Variants in MSRA observed in about 807,000 individuals in gnomAD.
The protein encoded by MSRA is methionine sulfoxide reductase A, also known as mitochondrial peptide methionine sulfoxide reductase.
A neutral mutation model predicts 31.3 loss-of-function variants in MSRA; 54 were observed. The observed-to-expected ratio is 1.73, with a 90% CI of 1.39 to 2.17. The LOEUF (loss-of-function observed/expected upper bound fraction) is 2.17, where lower values mean the gene tolerates loss of function less well. Ranked by LOEUF, MSRA falls within the 30% of genes most tolerant of loss-of-function variation. The pLI, the probability that MSRA is intolerant of heterozygous loss-of-function variation, is 0.00. For missense variants in MSRA, 507 were observed against 300.9 expected, an observed-to-expected ratio of 1.69 and a Z score of -5.07; for synonymous variants, 169 against 116.5, an observed-to-expected ratio of 1.45 and a Z score of -2.90.
chr8:10,202,007 G>A (rs117225173), intron 1 of MSRA, among the ~76,000 whole-genome samples: 1 of 152,232 alleles, frequency 6.6e-6, no homozygotes, highest in Non-Finnish European at 1.5e-5. Flanking sequence ...CCCTGTTGGA[G>A]ACTCTTGTGT....
At chr8:10,091,859 G>T (rs1423709391) in intron 1 of MSRA, among the ~76,000 whole-genome samples, 4 of 152,054 alleles carry the variant, frequency 2.6e-5, no homozygotes, top group Non-Finnish European at 4.4e-5. Context: ...TGCTTGGCTT[G>T]GCCTCCCAGA....
chr8:10,402,524 G>C (rs768969185), intron 5 of MSRA, among the ~76,000 whole-genome samples: 1 of 152,324 alleles, frequency 6.6e-6, no homozygotes, highest in East Asian at 1.9e-4. Context: ...AGCATCCAGT[G>C]CCCCCATAGC....
intron 1 of MSRA, 138 bp downstream of exon 1, chr8:10,054,796 G>A: frequency 1.0e-6 from 1 of 962,348 alleles, no homozygotes; most frequent in Admixed American, 4.5e-5. Context: ...CTGCGCAGGC[G>A]CGAAGGGGCG....
At chr8:10,316,685 A>C (rs939048015) in intron 4 of MSRA, among the ~76,000 whole-genome samples, 1 of 152,052 alleles carries the variant, frequency 6.6e-6, no homozygotes, top group African/African-American at 2.4e-5. Context: ...TGTCAGTTAA[A>C]ATGGACAGGA....
rs141261252 is a variant in MSRA, at chr8:10,193,586, G to C, written c.143-14247G>C. On this transcript the variant is annotated intron_variant, in intron 1 of 5. Transcript: ENST00000317173. ...AGGCACCCAGCAGTGTGTTTAAAGAGCCACTACCATCTCCACTGACTTCCC... is the reference window on the plus strand; with the variant it reads ...AGGCACCCAGCAGTGTGTTTAAAGACCCACTACCATCTCCACTGACTTCCC... Among the ~76,000 whole-genome samples, 16 of 152,248 alleles carry C rather than the reference G, an allele frequency of 1.1e-4. No individual in the cohort carries two copies. The East Asian group carries it at 2.5e-3, about 24-fold the overall frequency.
chr8:10,161,845 G>A (rs1301307505), intron 1 of MSRA, among the ~76,000 whole-genome samples: 1 of 152,026 alleles, frequency 6.6e-6, no homozygotes, highest in Non-Finnish European at 1.5e-5. Context: ...GATAACCATG[G>A]GCCCTGGGCA....
intron 2 of MSRA, among the ~76,000 whole-genome samples, chr8:10,230,257 G>C (rs760350054): frequency 6.6e-6 from 1 of 152,200 alleles, no homozygotes; most frequent in Non-Finnish European, 1.5e-5. Context: ...GACATGCTTT[G>C]GGGTTTTAAG....
intron 2 of MSRA, among the ~76,000 whole-genome samples, chr8:10,243,056 A>C (rs1315845367): frequency 6.6e-6 from 1 of 152,180 alleles, no homozygotes; most frequent in Non-Finnish European, 1.5e-5. Context: ...TGGTTTGGCC[A>C]AGAACATTTT....
Position 10,428,312 on chromosome 8 carries a change from AT to A in MSRA, c.*3del. ...CCTGCCCAGTGGGTATTAAAAAATA[AT>A]TTCTCCCCACATGGTGGGCCTTTGA... is the stretch of plus-strand genomic sequence containing the variant. On this transcript the variant is annotated 3_prime_UTR_variant, in exon 6 of 6. Coordinates refer to ENST00000317173, the MANE Select transcript of MSRA (RefSeq NM_012331.5). 1 of 1,612,078 alleles carries A rather than the reference AT, an allele frequency of 6.2e-7. No homozygotes were observed. Among genetic ancestry groups the A allele is most frequent in the Non-Finnish European group, 8.5e-7 (1 of 1,179,636 alleles).
At chr8:10,153,947 G>A (rs1308475179) in intron 1 of MSRA, among the ~76,000 whole-genome samples, 2 of 152,068 alleles carry the variant, frequency 1.3e-5, no homozygotes, top group African/African-American at 4.8e-5. Flanking sequence ...AAACATAATG[G>A]TGTATTTGAC....
chr8:10,308,686 A>G (rs911745833), intron 4 of MSRA, among the ~76,000 whole-genome samples: 8 of 152,172 alleles, frequency 5.3e-5, no homozygotes, highest in African/African-American at 9.7e-5. Flanking sequence ...TGCCCCATCC[A>G]TGCTCACTGT....
chr8:10,357,873 C>G (rs1804600788), intron 5 of MSRA, among the ~76,000 whole-genome samples: 1 of 152,218 alleles, frequency 6.6e-6, no homozygotes, highest in African/African-American at 2.4e-5. Flanking sequence ...ATAGTTTTCA[C>G]TCAACTACTT....
chr8:10,318,477 G>A lies in MSRA; in HGVS notation c.437-1406G>A, dbSNP rs573064636. Reference sequence around the variant, plus strand: ...TGTGGAGGCTACAGTTGACACACACGAATTCTTTCTGCTGGAGAGAACATA... The same window carrying A: ...TGTGGAGGCTACAGTTGACACACACAAATTCTTTCTGCTGGAGAGAACATA... On this transcript the variant is annotated intron_variant, in intron 4 of 5. Coordinates refer to ENST00000317173, the MANE Select transcript of MSRA (RefSeq NM_012331.5). 7.2e-5 allele frequency among the ~76,000 whole-genome samples: 11 copies of A among 152,258 alleles called. No homozygotes were observed. In the East Asian group the frequency reaches 9.7e-4, roughly 13 times the overall value.
At position 10,404,264 on chromosome 8, in the gene MSRA, T is replaced by C. The variant is rs1807653384; in HGVS notation, c.544-23884T>C. Among the ~76,000 whole-genome samples the C allele has an allele frequency of 2.6e-5, 4 of 152,070 alleles. No homozygotes were observed. The South Asian group carries it at 6.2e-4, about 24-fold the overall frequency. On this transcript the variant is annotated intron_variant, in intron 5 of 5. Transcript: ENST00000317173. The stretch of plus-strand genomic sequence containing the variant: ...AAGGCAGGGACCTTCCCCAGGGGCA[T>C]CTGGGCTCCCACCTCCAGAGAAGCG...
At chr8:10,371,340 A>G (rs1170644438) in intron 5 of MSRA, among the ~76,000 whole-genome samples, 4 of 152,042 alleles carry the variant, frequency 2.6e-5, no homozygotes, top group African/African-American at 7.2e-5. Context: ...CATGCTGGAC[A>G]TGGGGAGAGT....
intron 1 of MSRA, among the ~76,000 whole-genome samples, chr8:10,143,487 C>T (rs963882058): frequency 7.2e-5 from 11 of 152,112 alleles, no homozygotes; most frequent in Admixed American, 6.6e-5. Flanking sequence ...GTCGTTATTC[C>T]CCTTTCATCA....
intron 5 of MSRA, among the ~76,000 whole-genome samples, chr8:10,332,451 T>TCCCCCCCCCCCC (rs373121180): frequency 6.8e-6 from 1 of 146,510 alleles, no homozygotes; most frequent in Non-Finnish European, 1.5e-5. Context: ...AAAAGAAAAA[T>TCCCCCCCCCCCC]CCCCCCTCCC....
chr8:10,263,843 T>C (rs916261768), intron 3 of MSRA, among the ~76,000 whole-genome samples: 6 of 152,222 alleles, frequency 3.9e-5, no homozygotes, highest in Admixed American at 2.6e-4. Context: ...GAATAGCTGA[T>C]GCTTTTAGAA....
In MSRA at chr8:10,369,754, C is replaced by G. The variant is rs1018587987; in HGVS notation, c.543+49765C>G. ...ATTGATAGCATAAGAATTTATTTAA[C>G]TTAATTAGGGCCAGTTAATCCAAAA... On this transcript the variant is annotated intron_variant, in intron 5 of 5. Coordinates refer to ENST00000317173, the MANE Select transcript of MSRA (RefSeq NM_012331.5). Among the ~76,000 whole-genome samples the G allele has an allele frequency of 9.9e-5, 15 of 152,126 alleles. 1 individual carries two copies. Among genetic ancestry groups the G allele is most frequent in the South Asian group, 4.1e-4 (2 of 4,832 alleles).
Sources: gnomAD v4.1 joint callset for allele counts (sites outside exome capture counted in the v4.1 genomes callset) on GRCh38, gnomAD v4.1.1 for gene constraint, MANE v1.5 for transcripts, NCBI Gene and HGNC (gene_info 2026-07-23, HGNC 2026-07-21) for gene names.